Variants in WWOX observed in about 807,000 individuals in gnomAD.
WWOX encodes WW domain-containing oxidoreductase.
Under a neutral mutation model 46.2 loss-of-function variants are expected in WWOX, and 69 were observed. The ratio of observed to expected loss-of-function variants is 1.49; its 90% CI spans 1.23 to 1.82. WWOX has a LOEUF of 1.82. Among genes scored for constraint, WWOX ranks in the 40% most tolerant of loss-of-function variants. WWOX has a pLI of 0.00. For synonymous variants in WWOX, 359 were observed against 202.6 expected, an observed-to-expected ratio of 1.77 and a Z score of -6.56; for missense variants, 919 against 542.6, an observed-to-expected ratio of 1.69 and a Z score of -6.89.
chr16:78,201,777 G>A (rs2036237401), intron 5 of WWOX, among the ~76,000 whole-genome samples: 1 of 151,910 alleles, frequency 6.6e-6, no homozygotes, highest in South Asian at 2.1e-4. Context: ...TTGACTCACT[G>A]CAACCTCTGC....
chr16:78,115,618 C>T (rs1267205441), intron 4 of WWOX, among the ~76,000 whole-genome samples: 1 of 152,158 alleles, frequency 6.6e-6, no homozygotes, highest in East Asian at 1.9e-4. Flanking sequence ...TCTTATTTCT[C>T]TATAAAATTG....
intron 8 of WWOX, among the ~76,000 whole-genome samples, chr16:79,209,323 T>C (rs1225736633): frequency 6.6e-6 from 1 of 152,204 alleles, no homozygotes; most frequent in Non-Finnish European, 1.5e-5. Flanking sequence ...ACCATTCCAG[T>C]AATGCAAGAG....
chr16:78,278,951 T>C lies in WWOX; in HGVS notation c.517-107909T>C, dbSNP rs559299775. On this transcript the variant is annotated intron_variant, in intron 5 of 8. Coordinates refer to ENST00000566780, the MANE Select transcript of WWOX (RefSeq NM_016373.4). ...TGTACATAAGTGTGTGTGTTTTAAA[T>C]TGTTTGAAAAACACTAGTCCATCTC... 2.6e-5 allele frequency among the ~76,000 whole-genome samples: 4 copies of C among 152,252 alleles called. No homozygotes were observed. The South Asian group carries it at 8.3e-4, about 32-fold the overall frequency.
chr16:78,252,674 G>A (rs1045944668), intron 5 of WWOX, among the ~76,000 whole-genome samples: 1 of 152,202 alleles, frequency 6.6e-6, no homozygotes, highest in Non-Finnish European at 1.5e-5. Flanking sequence ...GAGATTGCCA[G>A]GAGACGTAGA....
chr16:78,621,592 C>CTTTTTTTTTTTTTTTT lies in WWOX; in HGVS notation c.1056+188855_1056+188870dup, dbSNP rs34182797. ...ACCTTTAACCTTGTGTTGTTCTAAT[C>CTTTTTTTTTTTTTTTT]TTTTTTTTTTTTTTTTTTTTTTTTT... is the stretch of plus-strand genomic sequence containing the variant. On this transcript the variant is annotated intron_variant, in intron 8 of 8. Coordinates refer to ENST00000566780, the MANE Select transcript of WWOX (RefSeq NM_016373.4). Among the ~76,000 whole-genome samples the CTTTTTTTTTTTTTTTT allele has an allele frequency of 5.5e-3, 175 of 31,540 alleles. 56 individuals carry two copies. Among genetic ancestry groups the CTTTTTTTTTTTTTTTT allele is most frequent in the African/African-American group, 7.0e-3 (54 of 7,722 alleles). The allele number at this position is 31,540 out of a possible 152,430, so 20.7% of individuals were successfully genotyped here.
chr16:78,783,659 A>T (rs1007424320), intron 8 of WWOX, among the ~76,000 whole-genome samples: 6 of 152,208 alleles, frequency 3.9e-5, no homozygotes, highest in African/African-American at 1.4e-4. Flanking sequence ...TTTTACAAAG[A>T]CATAAATGTC....
intron 8 of WWOX, among the ~76,000 whole-genome samples, chr16:78,704,947 G>A (rs138545904): frequency 0.014 from 2,091 of 148,756 alleles, 22 homozygotes; most frequent in South Asian, 0.034. Flanking sequence ...AGAGGAGGAA[G>A]CCTTAAAAAC....
chr16:78,862,230 A>C (rs911592435), intron 8 of WWOX, among the ~76,000 whole-genome samples: 1 of 139,138 alleles, frequency 7.2e-6, no homozygotes, highest in East Asian at 2.0e-4. Flanking sequence ...GTCTGTCTGT[A>C]TCTATACACA....
At chr16:78,926,345 C>T (rs969696758) in intron 8 of WWOX, among the ~76,000 whole-genome samples, 9 of 147,368 alleles carry the variant, frequency 6.1e-5, no homozygotes, top group Non-Finnish European at 8.9e-5. Context: ...TGCATTTCAG[C>T]GTGGGTGACA....
chr16:78,900,784 A>T (rs2044811686), intron 8 of WWOX, among the ~76,000 whole-genome samples: 1 of 152,090 alleles, frequency 6.6e-6, no homozygotes, highest in Admixed American at 6.5e-5. Flanking sequence ...CTAACGTAAT[A>T]ACCTCTCTTT....
chr16:78,727,342 T>G (rs773139996), intron 8 of WWOX, among the ~76,000 whole-genome samples: 1 of 152,146 alleles, frequency 6.6e-6, no homozygotes, highest in Non-Finnish European at 1.5e-5. Flanking sequence ...GAGGTTTCAG[T>G]GAGCTGAGAT....
intron 8 of WWOX, among the ~76,000 whole-genome samples, chr16:78,803,137 G>A (rs564035535): frequency 6.6e-6 from 1 of 151,374 alleles, no homozygotes; most frequent in Non-Finnish European, 1.5e-5. Context: ...AGTCTTTCAG[G>A]ATCCAACAGT....
intron 8 of WWOX, among the ~76,000 whole-genome samples, chr16:78,518,682 G>C (rs2043288459): frequency 6.6e-6 from 1 of 152,166 alleles, no homozygotes; most frequent in African/African-American, 2.4e-5. Flanking sequence ...CGATTGTTCA[G>C]CAGCCACCAT....
At chr16:78,629,038 CA>C (rs749755137) in intron 8 of WWOX, among the ~76,000 whole-genome samples, 2 of 152,054 alleles carry the variant, frequency 1.3e-5, no homozygotes, top group African/African-American at 2.4e-5. Context: ...ATTTTTAACC[CA>C]ATAGACCATA....
At chr16:78,272,313 G>C (rs1223508488) in intron 5 of WWOX, among the ~76,000 whole-genome samples, 1 of 151,950 alleles carries the variant, frequency 6.6e-6, no homozygotes, top group Non-Finnish European at 1.5e-5. Flanking sequence ...GCTCAGCTGA[G>C]GGACTCTTAC....
intron 8 of WWOX, among the ~76,000 whole-genome samples, chr16:79,068,239 C>G (rs2048478236): frequency 6.6e-6 from 1 of 152,208 alleles, no homozygotes; most frequent in Admixed American, 6.5e-5. Context: ...TGTTTATGAA[C>G]TGCCTAAGAA....
chr16:78,239,003 C>A (rs956098733), intron 5 of WWOX, among the ~76,000 whole-genome samples: 1 of 152,120 alleles, frequency 6.6e-6, no homozygotes, highest in Non-Finnish European at 1.5e-5. Context: ...AGATTTGCAT[C>A]ACCTCTCCAC....
At chr16:78,841,436 G>A (rs888122706) in intron 8 of WWOX, among the ~76,000 whole-genome samples, 2 of 152,184 alleles carry the variant, frequency 1.3e-5, no homozygotes, top group African/African-American at 4.8e-5. Context: ...GTGACATCGT[G>A]TTGGTAGCTT....
At chr16:78,955,049 A>G (rs2046137162) in intron 8 of WWOX, among the ~76,000 whole-genome samples, 1 of 152,100 alleles carries the variant, frequency 6.6e-6, no homozygotes. Context: ...ATTGTCCCCC[A>G]CAAAGTATTG....
Sources: gnomAD v4.1 joint callset for allele counts (sites outside exome capture counted in the v4.1 genomes callset) on GRCh38, gnomAD v4.1.1 for gene constraint, MANE v1.5 for transcripts, NCBI Gene and HGNC (gene_info 2026-07-23, HGNC 2026-07-21) for gene names.